Variants in PKHD1 observed in about 807,000 individuals in gnomAD.
PKHD1 encodes the protein fibrocystin.
In PKHD1, 291 loss-of-function variants were observed where a neutral mutation model predicts 412.0. That is an observed-to-expected ratio of 0.71 (90% CI 0.64 to 0.78). The LOEUF (loss-of-function observed/expected upper bound fraction) is 0.78. Among genes scored for constraint, PKHD1 ranks in the 30% least tolerant of loss-of-function variants. PKHD1 has a pLI of 0.00. For synonymous variants in PKHD1, 1,777 were observed against 1,821.5 expected, an observed-to-expected ratio of 0.98 and a Z score of 0.62; for missense variants, 4,825 against 4,950.7, an observed-to-expected ratio of 0.97 and a Z score of 0.76.
chr6:51,657,244 C>T (rs1772024486), intron 61 of PKHD1, among the ~76,000 whole-genome samples: 1 of 151,964 alleles, frequency 6.6e-6, no homozygotes, highest in African/African-American at 2.4e-5. Flanking sequence ...GTGATCAAAG[C>T]TGAAAGAAAC....
chr6:51,851,852 C>T (rs1772314077), intron 49 of PKHD1, among the ~76,000 whole-genome samples: 1 of 151,974 alleles, frequency 6.6e-6, no homozygotes, highest in Admixed American at 6.6e-5. Flanking sequence ...TTCAAAAAAC[C>T]AGCTCCTGGA....
chr6:51,971,349 A>C (rs1016943180), intron 35 of PKHD1, among the ~76,000 whole-genome samples: 1 of 152,184 alleles, frequency 6.6e-6, no homozygotes, highest in Non-Finnish European at 1.5e-5. Context: ...TCTTTATTAA[A>C]GTTACTGCTC....
chr6:51,897,425 T>G (rs1780274356), intron 43 of PKHD1, among the ~76,000 whole-genome samples: 2 of 151,906 alleles, frequency 1.3e-5, no homozygotes, highest in African/African-American at 4.8e-5. Flanking sequence ...GCCTCATAAG[T>G]GAAGGAGAAA....
intron 60 of PKHD1, among the ~76,000 whole-genome samples, chr6:51,729,941 G>C (rs1041775866): frequency 6.6e-6 from 1 of 152,152 alleles, no homozygotes. Flanking sequence ...CTGGTTAGTG[G>C]ACACAATCCA....
At chr6:51,907,688 A>G (rs748889437) in intron 40 of PKHD1, among the ~76,000 whole-genome samples, 1 of 152,162 alleles carries the variant, frequency 6.6e-6, no homozygotes, top group Non-Finnish European at 1.5e-5. Flanking sequence ...AAATATCCCA[A>G]TGCTTTCTAA....
intron 23 of PKHD1, 95 bp from the exon 24 acceptor site, chr6:52,046,283 G>T: frequency 2.0e-6 from 2 of 980,188 alleles, no homozygotes; most frequent in African/African-American, 1.6e-5. Context: ...ATACTAGGAT[G>T]CCTATCAAAT....
chr6:52,065,134 T>C (rs560793552), intron 12 of PKHD1, 84 bp from the exon 13 acceptor site: 3 of 55,648 alleles, frequency 5.4e-5, no homozygotes, highest in Non-Finnish European at 9.0e-5. Flanking sequence ...TATGTATAAT[T>C]ATATATATAT....
intron 18 of PKHD1, among the ~76,000 whole-genome samples, 185 bp downstream of exon 18, chr6:52,056,513 C>T (rs1414199053): frequency 6.6e-6 from 1 of 152,008 alleles, no homozygotes; most frequent in East Asian, 1.9e-4. Flanking sequence ...TGACACCCAC[C>T]GAGCATCAAC....
intron 48 of PKHD1, among the ~76,000 whole-genome samples, chr6:51,860,471 A>G (rs1193775570): frequency 6.6e-6 from 1 of 152,166 alleles, no homozygotes; most frequent in African/African-American, 2.4e-5. Context: ...CAATTTCCCC[A>G]TGCCCTAAAT....
rs794727756 is a variant in PKHD1 at position 51,830,924 on chromosome 6, C to G, written c.8239G>C (p.Glu2747Gln). ...SLPETWQGVE[E>Q]GWGGYNNTIP... ...GTATTGTTGTATCCTCCCCAGCCTT[C>G]TTCAACACCTTGCCATGTTTCAGGG... The change falls in exon 52 of 67, where the codon GAA becomes CAA. Residue 2747 changes from glutamate (E) to glutamine (Q), a missense_variant. Glu to Gln is a conservative substitution (Grantham distance 29). Transcript: ENST00000371117. 6.2e-7 allele frequency: 1 copy of G among 1,612,204 alleles called. No individual in the cohort carries two copies.
intron 55 of PKHD1, among the ~76,000 whole-genome samples, chr6:51,763,909 C>T (rs1167742148): frequency 6.6e-6 from 1 of 151,796 alleles, no homozygotes; most frequent in Non-Finnish European, 1.5e-5. Context: ...TAAAAACCTA[C>T]AACAGCTTCA....
In PKHD1 at chr6:51,808,183, C is replaced by T. The variant is rs145622509; in HGVS notation, c.8303-16810G>A. 2.0e-5 allele frequency among the ~76,000 whole-genome samples: 3 copies of T among 152,066 alleles called. No homozygotes were observed. In the East Asian group the frequency reaches 5.8e-4, roughly 29 times the overall value. Reference sequence around the variant, plus strand: ...TAATAATAGCTTTTAAAGCAAGGCACACATAGTGTACAATTTGTAATATTT... The same window carrying T: ...TAATAATAGCTTTTAAAGCAAGGCATACATAGTGTACAATTTGTAATATTT... On this transcript the variant is annotated intron_variant, in intron 52 of 66. Transcript: ENST00000371117.
rs1335792223 is a variant in PKHD1 at position 52,025,106 on chromosome 6, G to A, written c.4704C>T (p.His1568=). Residue 1568 remains histidine (H), a synonymous_variant, in exon 32 of 67, where the codon CAC becomes CAT. Transcript: ENST00000371117. ...GYACSGNVSR[H]FYIMPQVFHY... Reference sequence around the variant, plus strand: ...GAAACACTTGGGGCATAATGTAGAAGTGTCTGGAAACATTACCAGAACAAG... The same window carrying A: ...GAAACACTTGGGGCATAATGTAGAAATGTCTGGAAACATTACCAGAACAAG... 6.2e-7 allele frequency: 1 copy of A among 1,614,148 alleles called. No individual in the cohort carries two copies. Among genetic ancestry groups the A allele is most frequent in the East Asian group, 2.2e-5 (1 of 44,874 alleles).
At chr6:51,664,702 G>A (rs1199192973) in intron 60 of PKHD1, among the ~76,000 whole-genome samples, 1 of 152,144 alleles carries the variant, frequency 6.6e-6, no homozygotes. Context: ...CTATGTGTTA[G>A]TTATTTGCTT....
intron 53 of PKHD1, among the ~76,000 whole-genome samples, chr6:51,786,309 A>G (rs1792845663): frequency 6.6e-6 from 1 of 151,720 alleles, no homozygotes; most frequent in Non-Finnish European, 1.5e-5. Flanking sequence ...TTAATTCTTT[A>G]CTCTTTAACT....
chr6:51,769,233 T>C (rs1789644412), intron 55 of PKHD1, among the ~76,000 whole-genome samples: 1 of 151,510 alleles, frequency 6.6e-6, no homozygotes, highest in African/African-American at 2.4e-5. Context: ...ACATAGGAAT[T>C]ATTTGATATT....
At chr6:51,968,975 C>T (rs1474984254) in intron 35 of PKHD1, among the ~76,000 whole-genome samples, 1 of 152,174 alleles carries the variant, frequency 6.6e-6, no homozygotes, top group Non-Finnish European at 1.5e-5. Flanking sequence ...ATATGATGGG[C>T]TATCACTCCC....
intron 60 of PKHD1, among the ~76,000 whole-genome samples, chr6:51,668,190 C>A (rs1288304649): frequency 6.6e-6 from 1 of 152,040 alleles, no homozygotes; most frequent in Non-Finnish European, 1.5e-5. Context: ...ATGGAATGTT[C>A]TTCCATTTGT....
intron 60 of PKHD1, among the ~76,000 whole-genome samples, chr6:51,683,029 A>T (rs758665428): frequency 7.2e-5 from 11 of 152,094 alleles, no homozygotes; most frequent in Non-Finnish European, 1.5e-4. Context: ...AGCAGTAATA[A>T]ATAGGATCCA....
Sources: gnomAD v4.1 joint callset for allele counts (sites outside exome capture counted in the v4.1 genomes callset) on GRCh38, gnomAD v4.1.1 for gene constraint, MANE v1.5 for transcripts, NCBI Gene and HGNC (gene_info 2026-07-23, HGNC 2026-07-21) for gene names.